RBL2: variants seen among roughly 807,000 people sequenced by gnomAD.
RBL2 encodes the protein retinoblastoma-like protein 2.
RBL2 carries 56 observed loss-of-function variants against 126.0 expected under a neutral mutation model. The observed-to-expected ratio is 0.44, with a 90% CI of 0.36 to 0.56. The LOEUF (loss-of-function observed/expected upper bound fraction) is 0.56, where lower values mean the gene tolerates loss of function less well. Among genes scored for constraint, RBL2 ranks in the 20% least tolerant of loss-of-function variants. The probability of loss-of-function intolerance (pLI) is 0.00; values close to 1 mark genes in which losing one functional copy is unlikely to be tolerated. For missense variants in RBL2, 1,229 were observed against 1,398.2 expected (o/e 0.88, Z 1.93); for synonymous variants, 454 against 478.5 (o/e 0.95, Z 0.67).
At chr16:53,481,922 T>A (rs1310642552) in intron 21 of RBL2, 87 bp downstream of exon 21, 11 of 1,429,828 alleles carry the variant, frequency 7.7e-6, no homozygotes, top group East Asian at 2.3e-5. Context: ...TAGGCACTCA[T>A]TAGAGTGATG....
At chr16:53,439,955 A>C (rs1436606460) in intron 2 of RBL2, among the ~76,000 whole-genome samples, 20 of 36,548 alleles carry the variant, frequency 5.5e-4, no homozygotes, top group African/African-American at 4.4e-3. Context: ...CCTTGTCTCC[A>C]AAAAAAAAAA....
chr16:53,444,795 C>T (rs1285731525), intron 3 of RBL2, among the ~76,000 whole-genome samples: 1 of 152,044 alleles, frequency 6.6e-6, no homozygotes, highest in Non-Finnish European at 1.5e-5. Flanking sequence ...TTTCAGTGAG[C>T]TGCGATCGCG....
At chr16:53,462,468 T>A in intron 10 of RBL2, 84 bp from the exon 11 acceptor site, 1 of 790,208 alleles carries the variant, frequency 1.3e-6, no homozygotes. Context: ...TTGAATTTTA[T>A]TTTGTGAGTA....
chr16:53,440,761 C>G (rs1480282366), intron 2 of RBL2, among the ~76,000 whole-genome samples: 1 of 151,876 alleles, frequency 6.6e-6, no homozygotes, highest in East Asian at 1.9e-4. Flanking sequence ...ACCATGTTGG[C>G]CAGGCTGGTT....
At chr16:53,470,239 A>G in intron 15 of RBL2, 54 bp downstream of exon 15, 4 of 1,566,486 alleles carry the variant, frequency 2.6e-6, no homozygotes, top group Non-Finnish European at 3.5e-6. Context: ...TGTATTGAAA[A>G]GTTACCCGAG....
Position 53,479,166 on chromosome 16 carries a change from G to A in RBL2, c.2716G>A (p.Asp906Asn). 6.2e-7 allele frequency: 1 copy of A among 1,613,766 alleles called. No homozygotes were observed. The highest frequency in any genetic ancestry group is 8.5e-7 in the Non-Finnish European group (1 of 1,179,678). ...TATTGTTTGCCAGGTCACAAAAGAA[G>A]ATAAGTCCTTCCAGAACATTATGCG... ...IYVMAKVTKEDKSFQNIMRCY... is the reference protein window; with the variant it reads ...IYVMAKVTKENKSFQNIMRCY... The change falls in exon 18 of 22, where the codon GAT (aspartate) becomes AAT (asparagine). Residue 906 changes from aspartate (D) to asparagine (N), a missense_variant. Asp to Asn is a conservative substitution (Grantham distance 23, BLOSUM62 1). Around this residue, in one of 2 missense-constraint regions of RBL2, gnomAD observed 1,070 missense variants for 1,274.3 expected, o/e 0.84. Coordinates refer to ENST00000262133, the MANE Select transcript of RBL2 (RefSeq NM_005611.4).
intron 21 of RBL2, chr16:53,488,068 A>G (rs935481805): frequency 2.0e-5 from 3 of 152,250 alleles, no homozygotes; most frequent in Non-Finnish European, 4.4e-5. Flanking sequence ...CACAAATGAA[A>G]TGGAAACTTA....
chr16:53,461,656 A>C (rs1289063260), intron 9 of RBL2, 85 bp from the exon 10 acceptor site: 1 of 890,170 alleles, frequency 1.1e-6, no homozygotes, highest in Non-Finnish European at 1.7e-6. Context: ...TTATATTTAC[A>C]TGTTAGTGAA....
chr16:53,490,066 T>C, intron 21 of RBL2, 64 bp from the exon 22 acceptor site: 1 of 1,268,814 alleles, frequency 7.9e-7, no homozygotes, highest in African/African-American at 1.5e-5. Context: ...TTGAGATTCT[T>C]TGACTTAATA....
intron 17 of RBL2, 22 bp downstream of exon 17, chr16:53,470,944 A>G: frequency 6.3e-7 from 1 of 1,593,204 alleles, no homozygotes; most frequent in Non-Finnish European, 8.6e-7. Context: ...TTGGAATTGT[A>G]AAGGCAAAGA....
At chr16:53,468,218 A>G (rs911958497) in intron 14 of RBL2, among the ~76,000 whole-genome samples, 6 of 152,218 alleles carry the variant, frequency 3.9e-5, no homozygotes, top group African/African-American at 1.2e-4. Flanking sequence ...AGAACTGGCT[A>G]TAGAAGGAAT....
intron 12 of RBL2, chr16:53,464,639 A>T (rs933110593): frequency 1.6e-5 from 4 of 251,024 alleles, no homozygotes; most frequent in Middle Eastern, 1.1e-3. Flanking sequence ...GAGAAGGCTT[A>T]AAAAAAGTAG....
intron 20 of RBL2, chr16:53,481,206 G>A (rs8058684): frequency 0.29 from 50,754 of 172,480 alleles, 7,953 homozygotes; most frequent in Middle Eastern, 0.35. Context: ...AAACTGAGGA[G>A]GTCTGTAATT....
At chr16:53,441,973 AC>A (rs1201966917) in intron 2 of RBL2, among the ~76,000 whole-genome samples, 1 of 152,094 alleles carries the variant, frequency 6.6e-6, no homozygotes, top group Non-Finnish European at 1.5e-5. Context: ...GGTGCCCGCC[AC>A]CACGCCCAGC....
At chr16:53,476,592 A>G (rs11642335) in intron 17 of RBL2, among the ~76,000 whole-genome samples, 141,067 of 152,270 alleles carry the variant, frequency 0.93, 65,474 homozygotes, top group East Asian at 1. Context: ...ACTGAAATCT[A>G]TAAATATTAT....
intron 20 of RBL2, chr16:53,481,275 G>A (rs181809821): frequency 1.9e-3 from 335 of 179,230 alleles, no homozygotes; most frequent in Non-Finnish European, 2.7e-3. Flanking sequence ...ATTGTATTTG[G>A]AGTCCCTACA....
intron 17 of RBL2, among the ~76,000 whole-genome samples, chr16:53,477,753 C>A (rs1960787642): frequency 6.6e-6 from 1 of 151,974 alleles, no homozygotes; most frequent in African/African-American, 2.4e-5. Context: ...CTGTTGTAGG[C>A]AAATATGTTA....
intron 4 of RBL2, 143 bp from the exon 5 acceptor site, chr16:53,451,560 T>C: frequency 1.2e-6 from 1 of 806,638 alleles, no homozygotes; most frequent in Non-Finnish European, 1.9e-6. Flanking sequence ...TATGTCAAAA[T>C]GTAAATTTGC....
intron 7 of RBL2, 58 bp downstream of exon 7, chr16:53,453,827 A>G: frequency 2.1e-6 from 3 of 1,396,460 alleles, no homozygotes; most frequent in South Asian, 1.3e-5. Flanking sequence ...AGGAAACTTC[A>G]GAAGTTAGTG....
Sources: allele counts gnomAD v4.1 joint callset (sites outside exome capture counted in the v4.1 genomes callset), GRCh38; gene constraint gnomAD v4.1.1; regional missense constraint gnomAD v4.1.1; transcripts MANE v1.5; gene names NCBI Gene and HGNC (gene_info 2026-07-23, HGNC 2026-07-21).